Variants in ZBTB7C observed in about 807,000 individuals in gnomAD.
ZBTB7C encodes the protein zinc finger and BTB domain containing 7C.
ZBTB7C carries 8 observed loss-of-function variants against 25.7 expected under a neutral mutation model. That is an observed-to-expected ratio of 0.31 (90% confidence interval 0.18 to 0.56). The LOEUF is 0.56. Ranked by LOEUF, ZBTB7C falls within the 20% of genes least tolerant of loss-of-function variation. The pLI, the probability that ZBTB7C is intolerant of heterozygous loss-of-function variation, is 0.91. For synonymous variants in ZBTB7C, 394 were observed against 369.0 expected, an observed-to-expected ratio of 1.07 and a Z score of -0.78; for missense variants, 824 against 855.2, an observed-to-expected ratio of 0.96 and a Z score of 0.46.
At chr18:48,294,080 G>C (rs1209577003) in intron 2 of ZBTB7C, among the ~76,000 whole-genome samples, 1 of 152,210 alleles carries the variant, frequency 6.6e-6, no homozygotes. Flanking sequence ...TACCTCCCTG[G>C]GGAAGGGCAA....
At chr18:48,180,228 T>G (rs2041877646) in intron 3 of ZBTB7C, 1 of 351,180 alleles carries the variant, frequency 2.8e-6, no homozygotes, top group South Asian at 2.1e-5. Flanking sequence ...CTTCCTTTCC[T>G]TCCCTCCTTC....
At chr18:48,338,995 CA>C (rs1401023935) in intron 1 of ZBTB7C, among the ~76,000 whole-genome samples, 3 of 151,718 alleles carry the variant, frequency 2.0e-5, no homozygotes, top group Non-Finnish European at 4.4e-5. Context: ...GAGTGAGAGA[CA>C]AAAGTGGAAA....
chr18:48,325,253 A>G (rs2144876597), intron 2 of ZBTB7C, among the ~76,000 whole-genome samples: 1 of 152,320 alleles, frequency 6.6e-6, no homozygotes, highest in South Asian at 2.1e-4. Flanking sequence ...AATGCCTTGG[A>G]GGGGAAGAGC....
intron 2 of ZBTB7C, among the ~76,000 whole-genome samples, chr18:48,194,918 G>A (rs1168600123): frequency 1.3e-5 from 2 of 152,130 alleles, no homozygotes; most frequent in African/African-American, 4.8e-5. Flanking sequence ...TCAGGCTGAA[G>A]TCATCCCCAT....
intron 1 of ZBTB7C, among the ~76,000 whole-genome samples, chr18:48,349,446 T>A (rs2046814118): frequency 6.6e-6 from 1 of 152,182 alleles, no homozygotes; most frequent in African/African-American, 2.4e-5. Flanking sequence ...TATAATATGT[T>A]CTGTCCTGTT....
At chr18:48,321,919 C>T (rs2046104932) in intron 2 of ZBTB7C, among the ~76,000 whole-genome samples, 1 of 152,220 alleles carries the variant, frequency 6.6e-6, no homozygotes, top group Admixed American at 6.5e-5. Context: ...CTGTAAGGTT[C>T]TGGCAAAGCC....
At chr18:48,281,374 C>T (rs1198787548) in intron 2 of ZBTB7C, among the ~76,000 whole-genome samples, 1 of 152,256 alleles carries the variant, frequency 6.6e-6, no homozygotes, top group Admixed American at 6.5e-5. Context: ...AAAACCTAGG[C>T]ATTACCATTC....
Position 48,040,385 on chromosome 18 carries a change from G to T in ZBTB7C, c.723C>A (p.Ile241=), listed in dbSNP as rs919778188. The T allele has an allele frequency of 3.1e-6, 5 of 1,612,096 alleles. No individual in the cohort carries two copies. In the African/African-American group the frequency reaches 6.7e-5, roughly 22 times the overall value. Residue 241 remains isoleucine, a synonymous_variant, in exon 4 of 5, where the codon ATC becomes ATA. Coordinates refer to ENST00000590800, the MANE Select transcript of ZBTB7C (RefSeq NM_001318841.2). The part of the protein sequence containing the change: ...LRENLYPKAN[I]PDRRPSLSPF... ...GAGACAAGGAGGGTCTCCTGTCGGGGATGTTGGCCTTGGGGTACAGGTTCT... is the reference window on the plus strand; with the variant it reads ...GAGACAAGGAGGGTCTCCTGTCGGGTATGTTGGCCTTGGGGTACAGGTTCT...
At chr18:48,317,411 A>T (rs2045976083) in intron 2 of ZBTB7C, among the ~76,000 whole-genome samples, 1 of 152,090 alleles carries the variant, frequency 6.6e-6, no homozygotes, top group African/African-American at 2.4e-5. Flanking sequence ...CCCTGACCTC[A>T]GTCTCTGGCA....
intron 2 of ZBTB7C, among the ~76,000 whole-genome samples, chr18:48,290,695 T>A (rs2045200229): frequency 1.3e-5 from 2 of 152,184 alleles, no homozygotes; most frequent in African/African-American, 4.8e-5. Context: ...TGGGCCTGCA[T>A]CCTCTTCCTG....
At chr18:48,358,328 G>A (rs137948123) in intron 1 of ZBTB7C, among the ~76,000 whole-genome samples, 5,190 of 151,862 alleles carry the variant, frequency 0.034, 333 homozygotes, top group African/African-American at 0.12. Context: ...CTCCAGCCTG[G>A]GTGACTGAAC....
At position 48,029,314 on chromosome 18, in the gene ZBTB7C, G is replaced by T; in HGVS notation, c.1806C>A (p.Leu602=). 6.5e-7 allele frequency: 1 copy of T among 1,538,112 alleles called. No homozygotes were observed. The highest frequency in any genetic ancestry group is 8.7e-7 in the Non-Finnish European group (1 of 1,147,830). ...PDPWAAGLAG[L]PGLAGLNHVA... is the part of the protein sequence containing the mutation. ...CGTGGTTGAGGCCGGCGAGCCCAGG[G>T]AGGCCGGCCAGGCCGGCGGCCCAAG... The change falls in exon 5 of 5, where the codon CTC becomes CTA. Residue 602 remains leucine (L), a synonymous_variant. Coordinates refer to ENST00000590800, the MANE Select transcript of ZBTB7C (RefSeq NM_001318841.2).
At chr18:48,103,037 A>T (rs1016478802) in intron 3 of ZBTB7C, among the ~76,000 whole-genome samples, 3 of 147,074 alleles carry the variant, frequency 2.0e-5, no homozygotes, top group African/African-American at 7.4e-5. Context: ...ATATATATAT[A>T]TTTTATATTA....
intron 2 of ZBTB7C, among the ~76,000 whole-genome samples, chr18:48,195,968 T>G (rs2000846): frequency 6.6e-6 from 1 of 152,122 alleles, no homozygotes; most frequent in Non-Finnish European, 1.5e-5. Flanking sequence ...GGTTTGGGAA[T>G]GAAGCCCAGC....
chr18:48,165,819 T>G (rs1196610035), intron 3 of ZBTB7C, among the ~76,000 whole-genome samples: 1 of 152,122 alleles, frequency 6.6e-6, no homozygotes, highest in Non-Finnish European at 1.5e-5. Context: ...GCACACATAT[T>G]CTCGCCACGT....
intron 2 of ZBTB7C, 143 bp downstream of exon 2, chr18:48,338,031 A>G (rs1005113996): frequency 2.6e-5 from 4 of 152,178 alleles, no homozygotes; most frequent in African/African-American, 9.7e-5. Context: ...TAAAGCATCC[A>G]TCTATCATCT....
chr18:48,346,295 G>A (rs1228928855), intron 1 of ZBTB7C, among the ~76,000 whole-genome samples: 2 of 152,176 alleles, frequency 1.3e-5, no homozygotes, highest in East Asian at 1.9e-4. Flanking sequence ...CCAGCACAAG[G>A]CTCTTTGCCA....
At chr18:48,317,989 C>G (rs2045990599) in intron 2 of ZBTB7C, among the ~76,000 whole-genome samples, 1 of 152,178 alleles carries the variant, frequency 6.6e-6, no homozygotes, top group Admixed American at 6.5e-5. Flanking sequence ...TCCTCACCCC[C>G]TGCCCATCTC....
At chr18:48,116,323 T>C (rs886660969) in intron 3 of ZBTB7C, among the ~76,000 whole-genome samples, 5 of 152,194 alleles carry the variant, frequency 3.3e-5, no homozygotes, top group Admixed American at 3.3e-4. Context: ...CAGTCACTAA[T>C]ACAGTCCCTG....
Sources: gnomAD v4.1 joint callset for allele counts (sites outside exome capture counted in the v4.1 genomes callset) on GRCh38, gnomAD v4.1.1 for gene constraint, MANE v1.5 for transcripts, NCBI Gene and HGNC (gene_info 2026-07-23, HGNC 2026-07-21) for gene names.